The following CDH12 variants were observed in gnomAD, a reference collection of about 807,000 sequenced individuals.
The protein encoded by CDH12 is cadherin-12.
A neutral mutation model predicts 74.1 loss-of-function variants in CDH12; 41 were observed. The ratio of observed to expected loss-of-function variants is 0.55; its 90% CI spans 0.43 to 0.72. The LOEUF is 0.72. Among genes scored for constraint, CDH12 ranks in the 30% least tolerant of loss-of-function variants. The pLI, the probability that CDH12 is intolerant of heterozygous loss-of-function variation, is 0.00. For synonymous variants in CDH12, 399 were observed against 355.0 expected (o/e 1.12, Z -1.39); for missense variants, 945 against 977.2 (o/e 0.97, Z 0.44).
At chr5:21,876,740 C>T (rs1314853085) in intron 6 of CDH12, among the ~76,000 whole-genome samples, 1 of 152,132 alleles carries the variant, frequency 6.6e-6, no homozygotes, top group East Asian at 1.9e-4. Context: ...ATTTTGTCCA[C>T]AGCACTATCT....
At chr5:22,384,370 A>G (rs1741901501) in intron 3 of CDH12, among the ~76,000 whole-genome samples, 2 of 150,398 alleles carry the variant, frequency 1.3e-5, no homozygotes, top group African/African-American at 4.9e-5. Context: ...TAAAAATACA[A>G]AAAAAATTAG....
chr5:21,832,840 A>AAT (rs1310934426), intron 8 of CDH12, among the ~76,000 whole-genome samples: 2 of 104,338 alleles, frequency 1.9e-5, no homozygotes, highest in Non-Finnish European at 3.8e-5. Flanking sequence ...TAATAATATA[A>AAT]ATCATATGAT....
intron 1 of CDH12, among the ~76,000 whole-genome samples, chr5:22,613,552 C>T (rs1476741675): frequency 2.0e-5 from 3 of 152,010 alleles, no homozygotes; most frequent in Non-Finnish European, 4.4e-5. Flanking sequence ...GTGCTTTAAC[C>T]TATATATTTG....
intron 3 of CDH12, among the ~76,000 whole-genome samples, chr5:22,275,089 G>C (rs1194997305): frequency 6.6e-6 from 1 of 152,034 alleles, no homozygotes; most frequent in African/African-American, 2.4e-5. Context: ...ACAAGAAAAG[G>C]ACACAGAGAG....
intron 5 of CDH12, among the ~76,000 whole-genome samples, chr5:22,014,557 G>GA (rs1737489905): frequency 6.6e-6 from 1 of 152,030 alleles, no homozygotes; most frequent in Admixed American, 6.6e-5. Flanking sequence ...GTGTAGGTTA[G>GA]GAATAATTGG....
In CDH12 at chr5:22,700,250, C is replaced by T. The variant is rs139863804; in HGVS notation, c.-523+152808G>A. ...CAAGAGATACCCTCCAGACCCTTCC[C>T]TATTAACAAATTTATTTTCCTTTTC... is the stretch of plus-strand genomic sequence containing the variant. On this transcript the variant is annotated intron_variant, in intron 1 of 14. Coordinates refer to ENST00000382254, the MANE Select transcript of CDH12 (RefSeq NM_004061.5). Among the ~76,000 whole-genome samples, 10 of 152,276 alleles carry T rather than the reference C, an allele frequency of 6.6e-5. No homozygotes were observed. The East Asian group carries it at 1.9e-3, about 29-fold the overall frequency.
intron 1 of CDH12, among the ~76,000 whole-genome samples, chr5:22,544,918 G>A (rs376262192): frequency 3.9e-5 from 6 of 152,084 alleles, no homozygotes; most frequent in Middle Eastern, 6.8e-3. Flanking sequence ...TACAGGTGAC[G>A]TTCTTTTTTA....
intron 1 of CDH12, among the ~76,000 whole-genome samples, chr5:22,714,694 T>A (rs956544615): frequency 3.9e-5 from 6 of 152,202 alleles, no homozygotes; most frequent in South Asian, 2.1e-4. Flanking sequence ...TTTATCCCAA[T>A]AGGCCCGCCT....
At chr5:22,113,402 T>C (rs376387399) in intron 4 of CDH12, among the ~76,000 whole-genome samples, 5 of 152,236 alleles carry the variant, frequency 3.3e-5, no homozygotes. Flanking sequence ...ATCAGAAGAA[T>C]CTTGGTCTCC....
chr5:22,848,111 A>C (rs575139789), intron 1 of CDH12, among the ~76,000 whole-genome samples: 50 of 152,202 alleles, frequency 3.3e-4, no homozygotes, highest in African/African-American at 1.2e-3. Flanking sequence ...TATAAAACAA[A>C]ATACTACAAA....
At chr5:22,839,848 A>G (rs1737005637) in intron 1 of CDH12, among the ~76,000 whole-genome samples, 1 of 152,196 alleles carries the variant, frequency 6.6e-6, no homozygotes, top group African/African-American at 2.4e-5. Flanking sequence ...GTAGCTAAAT[A>G]TTCGATGCAA....
intron 6 of CDH12, among the ~76,000 whole-genome samples, chr5:21,857,131 T>G (rs529072893): frequency 6.6e-6 from 1 of 151,794 alleles, no homozygotes; most frequent in Admixed American, 6.6e-5. Context: ...ACTACCTTTT[T>G]CAGTGCTTGG....
At position 22,734,788 on chromosome 5, in the gene CDH12, G is replaced by A. The variant is rs143147957; in HGVS notation, c.-523+118270C>T. On this transcript the variant is annotated intron_variant, in intron 1 of 14. Coordinates refer to ENST00000382254, the MANE Select transcript of CDH12 (RefSeq NM_004061.5). ...CTTAGTAGCAGTATTCACAAGAACCGTTGTAAACCTGTTTCCTAAAATATA... is the reference window on the plus strand; with the variant it reads ...CTTAGTAGCAGTATTCACAAGAACCATTGTAAACCTGTTTCCTAAAATATA... 3.0e-4 allele frequency among the ~76,000 whole-genome samples: 46 copies of A among 152,004 alleles called. No homozygotes were observed. The East Asian group carries it at 6.0e-3, about 20-fold the overall frequency.
intron 4 of CDH12, among the ~76,000 whole-genome samples, chr5:22,193,892 G>T (rs1750449800): frequency 6.6e-6 from 1 of 152,294 alleles, no homozygotes; most frequent in Admixed American, 6.5e-5. Context: ...TAATACAATT[G>T]AATTTATGTA....
chr5:22,465,988 G>T (rs772507529), intron 2 of CDH12, among the ~76,000 whole-genome samples: 1 of 152,186 alleles, frequency 6.6e-6, no homozygotes, highest in Admixed American at 6.5e-5. Flanking sequence ...AGCATCATAA[G>T]ATTAGGGTTC....
chr5:21,930,647 T>G (rs982918972), intron 6 of CDH12, among the ~76,000 whole-genome samples: 1 of 152,184 alleles, frequency 6.6e-6, no homozygotes. Context: ...CCTACTATAT[T>G]CCTTCTTGCA....
At chr5:22,840,663 T>C (rs778509638) in intron 1 of CDH12, among the ~76,000 whole-genome samples, 6 of 152,094 alleles carry the variant, frequency 3.9e-5, no homozygotes, top group Non-Finnish European at 8.8e-5. Context: ...CAAAGATCTC[T>C]GTTCTCCAAG....
At chr5:21,842,008 A>T (rs1297587721) in intron 8 of CDH12, among the ~76,000 whole-genome samples, 153 bp downstream of exon 8, 4 of 151,370 alleles carry the variant, frequency 2.6e-5, no homozygotes, top group African/African-American at 2.4e-5. Context: ...TAAAGTATAA[A>T]AAAAAAAAAA....
At chr5:22,012,708 G>A (rs1424592156) in intron 5 of CDH12, among the ~76,000 whole-genome samples, 1 of 148,964 alleles carries the variant, frequency 6.7e-6, no homozygotes, top group Non-Finnish European at 1.5e-5. Flanking sequence ...TGAAAACCTT[G>A]ATTTCAGTTT....
Sources: gnomAD v4.1 joint callset for allele counts (sites outside exome capture counted in the v4.1 genomes callset) on GRCh38, gnomAD v4.1.1 for gene constraint, MANE v1.5 for transcripts, NCBI Gene and HGNC (gene_info 2026-07-23, HGNC 2026-07-21) for gene names.